Variants in CSMD3 observed in about 807,000 individuals in gnomAD.
The protein encoded by CSMD3 is CUB and Sushi multiple domains 3.
CSMD3 carries 177 observed loss-of-function variants against 435.2 expected under a neutral mutation model. The ratio of observed to expected loss-of-function variants is 0.41; its 90% CI spans 0.36 to 0.46. The LOEUF is 0.46. CSMD3 is among the 20% of genes least tolerant of loss of function. CSMD3 has a pLI of 0.34. For missense variants in CSMD3, 4,265 were observed against 4,504.6 expected (o/e 0.95, Z 1.52); for synonymous variants, 1,656 against 1,520.5 (o/e 1.09, Z -2.07).
chr8:112,517,263 C>CG (rs1310178684), intron 27 of CSMD3, 38 bp from the exon 28 acceptor site: 4 of 1,483,380 alleles, frequency 2.7e-6, no homozygotes, highest in Non-Finnish European at 2.8e-6. Flanking sequence ...GTTTTGATAA[C>CG]TACCAAAATC....
chr8:112,574,094 C>G (rs1478075213), intron 23 of CSMD3, among the ~76,000 whole-genome samples: 2 of 151,944 alleles, frequency 1.3e-5, no homozygotes, highest in African/African-American at 4.8e-5. Flanking sequence ...GCAATTGTAA[C>G]TTTTCCATGC....
intron 44 of CSMD3, among the ~76,000 whole-genome samples, chr8:112,336,055 G>C (rs750521208): frequency 3.3e-5 from 5 of 151,984 alleles, no homozygotes; most frequent in Non-Finnish European, 7.4e-5. Context: ...TGGGACCACA[G>C]GCGCATGCCA....
At chr8:112,521,615 A>T (rs1290361670) in intron 27 of CSMD3, among the ~76,000 whole-genome samples, 2 of 151,746 alleles carry the variant, frequency 1.3e-5, no homozygotes, top group African/African-American at 4.8e-5. Flanking sequence ...ACAATTTCTC[A>T]CTAAATAACT....
chr8:113,077,726 T>C (rs1365579759), intron 5 of CSMD3, among the ~76,000 whole-genome samples: 1 of 151,810 alleles, frequency 6.6e-6, no homozygotes, highest in Non-Finnish European at 1.5e-5. Context: ...AAAACAAAAC[T>C]CTAAGATACA....
chr8:113,065,199 T>C (rs1021183655), intron 5 of CSMD3, among the ~76,000 whole-genome samples: 3 of 152,164 alleles, frequency 2.0e-5, no homozygotes, highest in African/African-American at 7.2e-5. Context: ...ACTGAATAAA[T>C]TGTTTGTTGA....
Position 112,688,052 on chromosome 8 carries a change from C to G in CSMD3, c.2155+1816G>C, listed in dbSNP as rs140502214. On this transcript the variant is annotated intron_variant, in intron 14 of 70. Coordinates refer to ENST00000297405, the MANE Select transcript of CSMD3 (RefSeq NM_198123.2). ...TTTGCAAACCATACGATCTCCTTTG[C>G]AACTATTTAATTCTGCAATTGTAGC... Among the ~76,000 whole-genome samples the G allele has an allele frequency of 1.3e-5, 2 of 152,248 alleles. 1 individual carries two copies. Among genetic ancestry groups the G allele is most frequent in the East Asian group, 3.9e-4 (2 of 5,174 alleles).
chr8:113,101,919 TA>T (rs781103746), intron 4 of CSMD3, among the ~76,000 whole-genome samples: 2 of 151,782 alleles, frequency 1.3e-5, no homozygotes, highest in Non-Finnish European at 2.9e-5. Flanking sequence ...GGCAATATTT[TA>T]AAAAAAACAA....
chr8:112,975,423 G>A (rs2084809363), intron 7 of CSMD3, among the ~76,000 whole-genome samples: 1 of 151,898 alleles, frequency 6.6e-6, no homozygotes, highest in Non-Finnish European at 1.5e-5. Flanking sequence ...TCATGCAAAC[G>A]CTAAAAATTA....
intron 1 of CSMD3, among the ~76,000 whole-genome samples, chr8:113,388,974 A>G (rs1472993870): frequency 1.3e-5 from 2 of 151,576 alleles, no homozygotes; most frequent in African/African-American, 2.4e-5. Flanking sequence ...GGACATAGCA[A>G]ATACTCTTTC....
intron 5 of CSMD3, among the ~76,000 whole-genome samples, chr8:113,082,554 A>C (rs2089606961): frequency 6.6e-6 from 1 of 152,172 alleles, no homozygotes; most frequent in Non-Finnish European, 1.5e-5. Flanking sequence ...CACAGATATC[A>C]ATATAGGGTC....
intron 1 of CSMD3, among the ~76,000 whole-genome samples, chr8:113,428,614 A>G (rs532347772): frequency 6.6e-6 from 1 of 152,008 alleles, no homozygotes; most frequent in African/African-American, 2.4e-5. Context: ...GATGTAAAGG[A>G]CACTTTAGTT....
At chr8:113,357,427 T>C (rs1038853143) in intron 1 of CSMD3, among the ~76,000 whole-genome samples, 8 of 152,218 alleles carry the variant, frequency 5.3e-5, no homozygotes, top group African/African-American at 1.9e-4. Flanking sequence ...CTACATGTCA[T>C]TATTCAGTAC....
At chr8:112,289,856 G>A (rs974741146) in intron 56 of CSMD3, among the ~76,000 whole-genome samples, 2 of 152,176 alleles carry the variant, frequency 1.3e-5, no homozygotes, top group South Asian at 2.1e-4. Context: ...ACATATATAT[G>A]TGTATGAGTT....
intron 31 of CSMD3, among the ~76,000 whole-genome samples, chr8:112,483,451 C>A (rs908877481): frequency 6.6e-6 from 1 of 152,150 alleles, no homozygotes; most frequent in Non-Finnish European, 1.5e-5. Context: ...CCACTGCACT[C>A]CAACCTAGGC....
intron 3 of CSMD3, among the ~76,000 whole-genome samples, chr8:113,189,705 T>C (rs750686033): frequency 1.3e-5 from 2 of 151,832 alleles, no homozygotes; most frequent in Non-Finnish European, 2.9e-5. Context: ...AAACTATTAA[T>C]GAAATGGAAT....
intron 4 of CSMD3, among the ~76,000 whole-genome samples, chr8:113,104,928 C>T (rs2090430303): frequency 1.3e-5 from 2 of 151,912 alleles, no homozygotes; most frequent in South Asian, 2.1e-4. Flanking sequence ...CATTAATTTC[C>T]ATTTACCTTC....
chr8:113,314,236 A>G (rs2093892560), intron 2 of CSMD3: 1 of 267,684 alleles, frequency 3.7e-6, no homozygotes, highest in Admixed American at 5.1e-5. Context: ...TATACCTTAT[A>G]TAGTATGTTT....
In CSMD3 at chr8:112,666,359, G is replaced by A. The variant is rs1188597981; in HGVS notation, c.2734C>T (p.Pro912Ser). 6.2e-7 allele frequency: 1 copy of A among 1,612,314 alleles called. No homozygotes were observed. The change falls in exon 17 of 71, where the codon CCA becomes TCA. Residue 912 changes from proline (P) to serine (S), a missense_variant. By Grantham distance (74) the Pro-to-Ser change is moderately conservative. Around this residue, in one of 3 missense-constraint regions of CSMD3, gnomAD observed 279 missense variants for 369.0 expected, o/e 0.76. Transcript: ENST00000297405. The part of the protein sequence containing the change: ...PSGVILSPGW[P>S]GYYKDSLNCE... ...TTCAAAGAGTCTTTGTAGTATCCTG[G>A]CCATCCTGGTGAGAGAATCACTCCA...
chr8:113,307,970 T>A (rs913082156), intron 2 of CSMD3, among the ~76,000 whole-genome samples: 4 of 152,136 alleles, frequency 2.6e-5, no homozygotes, highest in African/African-American at 9.7e-5. Flanking sequence ...TTTTGACTCA[T>A]CTCATTTCAC....
Sources: gnomAD v4.1 joint callset for allele counts (sites outside exome capture counted in the v4.1 genomes callset) on GRCh38, gnomAD v4.1.1 for gene constraint, gnomAD v4.1.1 regional missense constraint, MANE v1.5 for transcripts, NCBI Gene and HGNC (gene_info 2026-07-23, HGNC 2026-07-21) for gene names.